Variants in RNF10 observed in about 807,000 individuals in gnomAD.
RNF10 encodes the protein E3 ubiquitin-protein ligase RNF10.
In RNF10, 38 loss-of-function variants were observed where a neutral mutation model predicts 91.4. The ratio of observed to expected loss-of-function variants is 0.42; its 90% CI spans 0.32 to 0.54. The LOEUF is 0.54. Ranked by LOEUF, RNF10 falls within the 20% of genes least tolerant of loss-of-function variation. The pLI is 0.16. For synonymous variants in RNF10, 364 were observed against 366.3 expected, an observed-to-expected ratio of 0.99 and a Z score of 0.07; for missense variants, 945 against 1,012.0, an observed-to-expected ratio of 0.93 and a Z score of 0.90.
At chr12:120,553,086 T>G (rs1232238364) in intron 3 of RNF10, among the ~76,000 whole-genome samples, 4 of 29,554 alleles carry the variant, frequency 1.4e-4, no homozygotes, top group African/African-American at 3.3e-4. Flanking sequence ...TTTTTTTTTT[T>G]TTTTTTTTTT....
Position 120,538,068 on chromosome 12 carries a change from C to T in RNF10, c.157+3100C>T, listed in dbSNP as rs544591355. Among the ~76,000 whole-genome samples, 3 of 152,288 alleles carry T rather than the reference C, an allele frequency of 2.0e-5. No individual in the cohort carries two copies. In the South Asian group the frequency reaches 6.2e-4, roughly 32 times the overall value. Reference sequence around the variant, plus strand: ...GCATAATCCCATAAAAAGATTTCTGCAGTATCTCATAAGCTGAACACTTCA... The same window carrying T: ...GCATAATCCCATAAAAAGATTTCTGTAGTATCTCATAAGCTGAACACTTCA... On this transcript the variant is annotated intron_variant, in intron 1 of 16. Coordinates refer to ENST00000325954, the MANE Select transcript of RNF10 (RefSeq NM_014868.5).
intron 14 of RNF10, among the ~76,000 whole-genome samples, chr12:120,571,788 A>G (rs1876665501): frequency 6.6e-6 from 1 of 152,196 alleles, no homozygotes; most frequent in South Asian, 2.1e-4. Context: ...TATCTGTTAC[A>G]TAAAATGAGC....
chr12:120,576,445 T>C, intron 16 of RNF10, 145 bp from the exon 17 acceptor site: 1 of 1,279,734 alleles, frequency 7.8e-7, no homozygotes, highest in Non-Finnish European at 1.1e-6. Flanking sequence ...ACTTGGTGTA[T>C]ACCAAGACTG....
chr12:120,570,888 G>A (rs1310451270), intron 13 of RNF10, among the ~76,000 whole-genome samples: 3 of 152,156 alleles, frequency 2.0e-5, no homozygotes, highest in African/African-American at 7.2e-5. Flanking sequence ...AGCCTTTGTG[G>A]AAAGTATAGC....
In RNF10 at chr12:120,575,840, G is replaced by A; in HGVS notation, c.2249G>A (p.Ser750Asn). The A allele has an allele frequency of 6.2e-7, 1 of 1,614,210 alleles. No homozygotes were observed. Among genetic ancestry groups the A allele is most frequent in the Non-Finnish European group, 8.5e-7 (1 of 1,180,030 alleles). The stretch of plus-strand genomic sequence containing the variant: ...GCCCCTGTGGACAGCGACGGGGAGA[G>A]TGATAATTCAGACCGTGTTCCTGTG... ...PPAPVDSDGE[S>N]DNSDRVPVPS... Residue 750 changes from serine to asparagine, a missense_variant, in exon 16 of 17, where the codon AGT becomes AAT. By Grantham distance (46) the Ser-to-Asn change is conservative. Coordinates refer to ENST00000325954, the MANE Select transcript of RNF10 (RefSeq NM_014868.5).
intron 7 of RNF10, among the ~76,000 whole-genome samples, chr12:120,561,876 G>A (rs1201447782): frequency 6.6e-6 from 1 of 152,212 alleles, no homozygotes; most frequent in Admixed American, 6.5e-5. Flanking sequence ...GGTGGAGTTA[G>A]CTAAATCCTT....
chr12:120,570,934 A>G (rs932510831), intron 13 of RNF10, among the ~76,000 whole-genome samples: 2 of 152,224 alleles, frequency 1.3e-5, no homozygotes, highest in African/African-American at 4.8e-5. Flanking sequence ...CAGTTGGAGT[A>G]GATTCTACCA....
At chr12:120,573,665 T>C (rs1271668450) in intron 14 of RNF10, among the ~76,000 whole-genome samples, 1 of 151,964 alleles carries the variant, frequency 6.6e-6, no homozygotes, top group African/African-American at 2.4e-5. Context: ...TCAGGCTGCT[T>C]CCACTCATGG....
chr12:120,567,058 G>A (rs890341693), intron 13 of RNF10, 78 bp downstream of exon 13: 12 of 1,413,902 alleles, frequency 8.5e-6, no homozygotes, highest in African/African-American at 2.9e-5. Context: ...TTACAACCCC[G>A]GCCCACTCAG....
At chr12:120,566,364 A>G (rs562588972) in intron 12 of RNF10, among the ~76,000 whole-genome samples, 11 of 152,356 alleles carry the variant, frequency 7.2e-5, no homozygotes, top group African/African-American at 1.7e-4. Context: ...TATTAAAGAC[A>G]TTATAGAAGG....
intron 6 of RNF10, among the ~76,000 whole-genome samples, chr12:120,558,231 T>A (rs1434813515): frequency 6.6e-6 from 1 of 152,150 alleles, no homozygotes; most frequent in Non-Finnish European, 1.5e-5. Flanking sequence ...TGAAATTAAT[T>A]CCAGATAGAT....
rs569589319 is a variant in RNF10 at position 120,549,088 on chromosome 12, GAGATCT to G, written c.354+2490_354+2495del. Among the ~76,000 whole-genome samples, 273 of 152,278 alleles carry G rather than the reference GAGATCT, an allele frequency of 1.8e-3. 1 individual carries two copies. Among genetic ancestry groups the G allele is most frequent in the African/African-American group, 5.9e-3 (245 of 41,560 alleles). The stretch of plus-strand genomic sequence containing the variant: ...TGCTGAGCAATGTCCTTGAGTCCTT[GAGATCT>G]AGTGAGAAGTGGAGCAGTTGTCTTA... On this transcript the variant is annotated intron_variant, in intron 2 of 16. Coordinates refer to ENST00000325954, the MANE Select transcript of RNF10 (RefSeq NM_014868.5).
At chr12:120,564,954 T>C (rs1234222231) in intron 10 of RNF10, 118 bp from the exon 11 acceptor site, 2 of 712,390 alleles carry the variant, frequency 2.8e-6, no homozygotes, top group East Asian at 2.5e-5. Context: ...TGAGCACTAC[T>C]GTTTCCAGCC....
chr12:120,546,960 T>C (rs1872430658), intron 2 of RNF10, among the ~76,000 whole-genome samples: 1 of 152,202 alleles, frequency 6.6e-6, no homozygotes, highest in Non-Finnish European at 1.5e-5. Context: ...GTAAAATGCA[T>C]ATATCTATAG....
Position 120,563,513 on chromosome 12 carries a change from A to T in RNF10, c.1421A>T (p.Asp474Val), listed in dbSNP as rs768056108. 1 of 1,614,164 alleles carries T rather than the reference A, an allele frequency of 6.2e-7. No individual in the cohort carries two copies. Among genetic ancestry groups the T allele is most frequent in the African/African-American group, 1.3e-5 (1 of 75,030 alleles). Residue 474 changes from aspartate (D) to valine (V), a missense_variant, in exon 9 of 17, where the codon GAT becomes GTT. By Grantham distance (152) the Asp-to-Val change is radical. Transcript: ENST00000325954. ...PEACDDLELA[D>V]DNLKEGTICT... ...GCCTGTGATGACTTGGAGTTAGCAGATGACAATCTTAAAGAGGGGACCATT... is the reference window on the plus strand; with the variant it reads ...GCCTGTGATGACTTGGAGTTAGCAGTTGACAATCTTAAAGAGGGGACCATT...
At chr12:120,575,313 A>G (rs1877241991) in intron 14 of RNF10, 1 of 301,132 alleles carries the variant, frequency 3.3e-6, no homozygotes, top group South Asian at 4.4e-5. Flanking sequence ...AAGGGCAGAA[A>G]AACTTAACCA....
In RNF10 at chr12:120,566,877, T is replaced by G; in HGVS notation, c.1938T>G (p.Asn646Lys). 6.2e-7 allele frequency: 1 copy of G among 1,614,072 alleles called. No homozygotes were observed. Among genetic ancestry groups the G allele is most frequent in the Non-Finnish European group, 8.5e-7 (1 of 1,179,956 alleles). ...LENLQQFPAF[N>K]SYTCSSDSAL... ...ATCTACAGCAGTTTCCTGCCTTCAATTCTTATACCTGCTCCTCTGATTCTG... is the reference window on the plus strand; with the variant it reads ...ATCTACAGCAGTTTCCTGCCTTCAAGTCTTATACCTGCTCCTCTGATTCTG... The change falls in exon 13 of 17, where the codon AAT becomes AAG. Residue 646 changes from asparagine to lysine, a missense_variant. Coordinates refer to ENST00000325954, the MANE Select transcript of RNF10 (RefSeq NM_014868.5).
In RNF10 at chr12:120,577,237, G is replaced by T; in HGVS notation, c.*571G>T. 1 of 443,032 alleles carries T rather than the reference G, an allele frequency of 2.3e-6. No individual in the cohort carries two copies. The allele number at this position is 443,032 out of a possible 1,614,324, so 27.4% of individuals were successfully genotyped here. A position where few individuals can be genotyped will look rare whatever the true frequency, so the allele number is the denominator to read the frequency against. ...CTGTGGTGCCAGCTTAATGGAGTAGGCTGTCCTTGGCACTTGCATGTGTGA... is the reference window on the plus strand; with the variant it reads ...CTGTGGTGCCAGCTTAATGGAGTAGTCTGTCCTTGGCACTTGCATGTGTGA... On this transcript the variant is annotated 3_prime_UTR_variant, in exon 17 of 17. Coordinates refer to ENST00000325954, the MANE Select transcript of RNF10 (RefSeq NM_014868.5).
Position 120,554,708 on chromosome 12 carries a change from C to CA in RNF10, c.555-10_555-9insA, listed in dbSNP as rs766103524. The CA allele has an allele frequency of 3.1e-6, 5 of 1,608,754 alleles. No individual in the cohort carries two copies. In the Admixed American group the frequency reaches 6.7e-5, roughly 21 times the overall value. On this transcript the variant is annotated splice_polypyrimidine_tract_variant and intron_variant, in intron 3 of 16. Coordinates refer to ENST00000325954, the MANE Select transcript of RNF10 (RefSeq NM_014868.5). ...ACAGTCTAGCTTTTTCCTGTCTTTC[C>CA]TATTTCTAGCTGCCAATTTGTGGTG...
Sources: allele counts gnomAD v4.1 joint callset (sites outside exome capture counted in the v4.1 genomes callset), GRCh38; gene constraint gnomAD v4.1.1; transcripts MANE v1.5; gene names NCBI Gene and HGNC (gene_info 2026-07-23, HGNC 2026-07-21).